The following PRKG1 variants were observed in gnomAD, a reference collection of about 807,000 sequenced individuals.
PRKG1 encodes cGMP-dependent protein kinase 1.
PRKG1 carries 35 observed loss-of-function variants against 88.1 expected under a neutral mutation model. The observed-to-expected ratio is 0.40, with a 90% CI of 0.30 to 0.53. The LOEUF (loss-of-function observed/expected upper bound fraction) is 0.53, where lower values mean the gene tolerates loss of function less well. PRKG1 is among the 20% of genes least tolerant of loss of function. The pLI is 0.59. For synonymous variants in PRKG1, 303 were observed against 292.5 expected, an observed-to-expected ratio of 1.04 and a Z score of -0.37; for missense variants, 540 against 839.8, an observed-to-expected ratio of 0.64 and a Z score of 4.41.
chr10:52,200,258 T>C (rs752078884), intron 9 of PRKG1, among the ~76,000 whole-genome samples: 9 of 152,156 alleles, frequency 5.9e-5, no homozygotes, highest in Non-Finnish European at 8.8e-5. Flanking sequence ...CCCTTCTTGG[T>C]GTTCATGTAT....
intron 7 of PRKG1, among the ~76,000 whole-genome samples, chr10:52,077,716 A>T (rs1490303367): frequency 6.6e-6 from 1 of 152,104 alleles, no homozygotes; most frequent in Non-Finnish European, 1.5e-5. Context: ...TGCTTCTATT[A>T]TCAAAACATC....
intron 3 of PRKG1, among the ~76,000 whole-genome samples, chr10:51,583,586 A>G (rs1838097622): frequency 6.6e-6 from 1 of 152,088 alleles, no homozygotes. Flanking sequence ...TCAGCATTCT[A>G]TCTAGACCAT....
chr10:51,714,434 T>TTAAA (rs980512378), intron 3 of PRKG1, among the ~76,000 whole-genome samples: 1 of 152,122 alleles, frequency 6.6e-6, no homozygotes, highest in Non-Finnish European at 1.5e-5. Flanking sequence ...GGTGGGAGAC[T>TTAAA]TAAGGCACAT....
intron 2 of PRKG1, among the ~76,000 whole-genome samples, chr10:51,403,990 A>T (rs1027033766): frequency 1.3e-5 from 2 of 152,194 alleles, no homozygotes; most frequent in Non-Finnish European, 2.9e-5. Flanking sequence ...TTTTAAAGCT[A>T]TGAATGTTCT....
intron 2 of PRKG1, among the ~76,000 whole-genome samples, chr10:51,393,001 A>T: frequency 3.3e-5 from 5 of 150,032 alleles, no homozygotes; most frequent in African/African-American, 1.2e-4. Context: ...TGCCGGGCAG[A>T]GACACTCCTC....
chr10:51,055,058 A>G (rs1462166945), intron 1 of PRKG1, among the ~76,000 whole-genome samples: 1 of 152,146 alleles, frequency 6.6e-6, no homozygotes, highest in East Asian at 1.9e-4. Context: ...CCCTGACCAT[A>G]TTCCAGGTTT....
intron 2 of PRKG1, among the ~76,000 whole-genome samples, chr10:51,395,923 C>T (rs984839166): frequency 3.6e-4 from 55 of 152,160 alleles, no homozygotes; most frequent in Non-Finnish European, 1.3e-4. Flanking sequence ...TACCAAGTTA[C>T]TCTGTGTTGC....
intron 1 of PRKG1, among the ~76,000 whole-genome samples, chr10:51,042,992 T>G (rs929028040): frequency 5.6e-4 from 86 of 152,356 alleles, no homozygotes; most frequent in Admixed American, 1.1e-3. Flanking sequence ...CTTGAACTTC[T>G]GAGCCTCCAG....
At chr10:51,622,561 G>A (rs913186174) in intron 3 of PRKG1, among the ~76,000 whole-genome samples, 11 of 152,050 alleles carry the variant, frequency 7.2e-5, no homozygotes, top group Admixed American at 2.0e-4. Flanking sequence ...GTATAGATAC[G>A]GTCATTAATT....
At position 51,357,215 on chromosome 10, in the gene PRKG1, A is replaced by G. The variant is rs991894118; in HGVS notation, c.479-110508A>G. ...TCAGTCATTGCAAGTAGGCAAGTAG[A>G]TTTTTAGGCTTAGCAGTCTCTTTCT... On this transcript the variant is annotated intron_variant, in intron 2 of 17. Coordinates refer to ENST00000373980, the MANE Select transcript of PRKG1 (RefSeq NM_006258.4). Among the ~76,000 whole-genome samples, 49 of 152,134 alleles carry G rather than the reference A, an allele frequency of 3.2e-4. 1 individual carries two copies. Among genetic ancestry groups the G allele is most frequent in the Admixed American group, 2.0e-3 (31 of 15,240 alleles).
intron 3 of PRKG1, among the ~76,000 whole-genome samples, chr10:51,757,367 G>T (rs1467959056): frequency 6.6e-6 from 1 of 152,086 alleles, no homozygotes; most frequent in African/African-American, 2.4e-5. Context: ...GCCTCCCAAA[G>T]TGCTGGGGTT....
At chr10:51,948,524 CTGTGTGTG>C (rs376853403) in intron 5 of PRKG1, among the ~76,000 whole-genome samples, 6 of 149,506 alleles carry the variant, frequency 4.0e-5, no homozygotes, top group Non-Finnish European at 6.0e-5. Context: ...GTGTGTGTCT[CTGTGTGTG>C]TGTGTGTGTG....
chr10:51,235,409 C>CAAAT (rs746207905), intron 2 of PRKG1, among the ~76,000 whole-genome samples: 1 of 150,680 alleles, frequency 6.6e-6, no homozygotes, highest in African/African-American at 2.5e-5. Flanking sequence ...TGCAGAAAAA[C>CAAAT]AAACAAACAA....
chr10:51,774,828 C>T (rs1838393512), intron 3 of PRKG1, among the ~76,000 whole-genome samples: 1 of 151,992 alleles, frequency 6.6e-6, no homozygotes, highest in African/African-American at 2.4e-5. Context: ...ATGCATTTTT[C>T]ATTATATACC....
At chr10:51,168,833 C>A (rs959522376) in intron 2 of PRKG1, among the ~76,000 whole-genome samples, 1 of 152,162 alleles carries the variant, frequency 6.6e-6, no homozygotes, top group Non-Finnish European at 1.5e-5. Flanking sequence ...AAATAGCCAA[C>A]ACAGATCAAC....
chr10:51,189,759 G>T (rs1308425052), intron 2 of PRKG1, among the ~76,000 whole-genome samples: 1 of 151,866 alleles, frequency 6.6e-6, no homozygotes, highest in African/African-American at 2.4e-5. Context: ...TAATTAAAAA[G>T]AGAACAAGAC....
intron 3 of PRKG1, chr10:51,695,744 G>A (rs759311534): frequency 3.4e-4 from 51 of 152,112 alleles, no homozygotes; most frequent in Non-Finnish European, 5.7e-4. Context: ...GAGTAAAACA[G>A]GTAGTAGAAA....
At chr10:52,201,739 G>A (rs1839674317) in intron 9 of PRKG1, among the ~76,000 whole-genome samples, 1 of 152,002 alleles carries the variant, frequency 6.6e-6, no homozygotes, top group South Asian at 2.1e-4. Context: ...CGGCAGTGTT[G>A]TGTAATTCAC....
At chr10:51,088,808 ATTTTTT>A (rs200475991) in intron 1 of PRKG1, among the ~76,000 whole-genome samples, 11 of 137,032 alleles carry the variant, frequency 8.0e-5, no homozygotes, top group Non-Finnish European at 1.6e-4. Flanking sequence ...ATTTAATATG[ATTTTTT>A]TTTTTTTTTT....
Sources: gnomAD v4.1 joint callset for allele counts (sites outside exome capture counted in the v4.1 genomes callset) on GRCh38, gnomAD v4.1.1 for gene constraint, MANE v1.5 for transcripts, NCBI Gene and HGNC (gene_info 2026-07-23, HGNC 2026-07-21) for gene names.